Variants in SLC39A11 observed in about 807,000 individuals in gnomAD.
The protein encoded by SLC39A11 is zinc transporter ZIP11.
In SLC39A11, 33 loss-of-function variants were observed where a neutral mutation model predicts 36.1. The observed-to-expected ratio is 0.91, with a 90% CI of 0.69 to 1.22. SLC39A11 has a LOEUF of 1.22. SLC39A11 is among the 50% of genes most tolerant of loss of function. The probability of loss-of-function intolerance (pLI) is 0.00; values close to 1 mark genes in which losing one functional copy is unlikely to be tolerated. For missense variants in SLC39A11, 432 were observed against 430.3 expected, an observed-to-expected ratio of 1.00 and a Z score of -0.03; for synonymous variants, 166 against 170.3, an observed-to-expected ratio of 0.97 and a Z score of 0.20.
intron 7 of SLC39A11, among the ~76,000 whole-genome samples, chr17:72,714,529 C>T (rs1261721799): frequency 6.6e-6 from 1 of 152,178 alleles, no homozygotes; most frequent in African/African-American, 2.4e-5. Context: ...CTGCTGCTGA[C>T]AGTGTCAACA....
intron 7 of SLC39A11, among the ~76,000 whole-genome samples, chr17:72,693,479 A>T (rs1264733889): frequency 6.6e-6 from 1 of 152,224 alleles, no homozygotes. Flanking sequence ...AAGCCTTTAA[A>T]CATTATTAAA....
At chr17:73,068,676 ACAAT>A (rs1315086660) in intron 3 of SLC39A11, among the ~76,000 whole-genome samples, 5 of 152,000 alleles carry the variant, frequency 3.3e-5, no homozygotes, top group Admixed American at 6.6e-5. Flanking sequence ...GACTACTTTC[ACAAT>A]CAAAGGACTG....
rs2069598177 is a variant in SLC39A11, at chr17:72,647,213, T to C, written c.*371A>G. ...TGAGTCACTAGGCCACCAAAATGCT[T>C]AGGAGACGTCTTTTGGTAGCTCGCT... On this transcript the variant is annotated 3_prime_UTR_variant, in exon 10 of 10. Coordinates refer to ENST00000255559, the MANE Select transcript of SLC39A11 (RefSeq NM_139177.4). 1 of 174,026 alleles carries C rather than the reference T, an allele frequency of 5.7e-6. No individual in the cohort carries two copies. Among genetic ancestry groups the C allele is most frequent in the African/African-American group, 2.4e-5 (1 of 41,804 alleles). 10.8% of individuals were successfully genotyped at this position (174,026 alleles called of 1,614,324 possible). A position where few individuals can be genotyped will look rare whatever the true frequency, so the allele number is the denominator to read the frequency against.
chr17:73,012,779 T>C (rs945889227), intron 4 of SLC39A11, among the ~76,000 whole-genome samples: 4 of 152,090 alleles, frequency 2.6e-5, no homozygotes, highest in Middle Eastern at 3.4e-3. Context: ...ATTTTATTTA[T>C]TTATTTATTT....
chr17:72,681,709 CCCA>C (rs2071516755), intron 7 of SLC39A11, among the ~76,000 whole-genome samples: 1 of 152,150 alleles, frequency 6.6e-6, no homozygotes, highest in South Asian at 2.1e-4. Context: ...TCTCTGCCAC[CCCA>C]GAGACAGCCA....
chr17:73,019,809 T>G (rs1054230127), intron 4 of SLC39A11, among the ~76,000 whole-genome samples: 1 of 152,134 alleles, frequency 6.6e-6, no homozygotes, highest in Non-Finnish European at 1.5e-5. Context: ...GACTGAACAT[T>G]CCAATTAAGA....
At chr17:72,866,326 T>G (rs1230025675) in intron 5 of SLC39A11, among the ~76,000 whole-genome samples, 2 of 152,174 alleles carry the variant, frequency 1.3e-5, no homozygotes, top group Admixed American at 1.3e-4. Flanking sequence ...GACCATTTAG[T>G]TGCAGGAAAA....
At chr17:72,717,400 G>A (rs891684) in intron 7 of SLC39A11, among the ~76,000 whole-genome samples, 15,783 of 152,018 alleles carry the variant, frequency 0.1, 1,197 homozygotes, top group African/African-American at 0.21. Context: ...CAAGTTGTCC[G>A]CAGGGCTATG....
chr17:73,063,346 C>A (rs1012879275), intron 3 of SLC39A11, among the ~76,000 whole-genome samples: 10 of 152,150 alleles, frequency 6.6e-5, no homozygotes, highest in Non-Finnish European at 1.5e-4. Flanking sequence ...ACTGGAAGGC[C>A]TACGCTGCTA....
intron 6 of SLC39A11, among the ~76,000 whole-genome samples, chr17:72,757,793 C>A (rs1485573035): frequency 6.6e-6 from 1 of 152,166 alleles, no homozygotes; most frequent in Non-Finnish European, 1.5e-5. Flanking sequence ...ATATTCTCAC[C>A]TTATTGTGTG....
intron 5 of SLC39A11, among the ~76,000 whole-genome samples, chr17:72,916,805 C>T (rs909690357): frequency 2.0e-5 from 3 of 152,188 alleles, no homozygotes; most frequent in African/African-American, 7.2e-5. Context: ...CACCTCAATT[C>T]ATGGCAAGCC....
chr17:72,776,051 T>G (rs2076120666), intron 6 of SLC39A11, among the ~76,000 whole-genome samples: 1 of 152,230 alleles, frequency 6.6e-6, no homozygotes, highest in East Asian at 1.9e-4. Flanking sequence ...CAGGAAGAAT[T>G]GGGGAATACA....
intron 7 of SLC39A11, among the ~76,000 whole-genome samples, chr17:72,671,801 A>C (rs1276784771): frequency 6.6e-6 from 1 of 152,220 alleles, no homozygotes; most frequent in Non-Finnish European, 1.5e-5. Context: ...AATATCACCT[A>C]TATGCAGAAT....
intron 5 of SLC39A11, among the ~76,000 whole-genome samples, chr17:72,928,779 G>A (rs929649156): frequency 3.9e-5 from 6 of 152,174 alleles, no homozygotes; most frequent in Non-Finnish European, 5.9e-5. Flanking sequence ...AGGGAAGTGC[G>A]TGCCTCTGGG....
At chr17:72,938,219 C>T (rs774703573) in intron 5 of SLC39A11, among the ~76,000 whole-genome samples, 6 of 152,250 alleles carry the variant, frequency 3.9e-5, no homozygotes, top group East Asian at 1.9e-4. Context: ...AGAAAGGAGA[C>T]GGAGGGTTGA....
At chr17:72,829,124 G>A (rs1218823708) in intron 6 of SLC39A11, among the ~76,000 whole-genome samples, 1 of 152,046 alleles carries the variant, frequency 6.6e-6, no homozygotes, top group East Asian at 1.9e-4. Context: ...GGCCGAGGTG[G>A]GAGGATCACT....
intron 7 of SLC39A11, among the ~76,000 whole-genome samples, chr17:72,665,400 T>TTTG (rs1555631668): frequency 7.2e-6 from 1 of 138,408 alleles, no homozygotes; most frequent in African/African-American, 2.7e-5. Context: ...TTTTTTTTTT[T>TTTG]TTTTTTTTTT....
chr17:72,873,944 C>A (rs896553983), intron 5 of SLC39A11, among the ~76,000 whole-genome samples: 18 of 152,128 alleles, frequency 1.2e-4, no homozygotes, highest in African/African-American at 4.3e-4. Context: ...GGGGCTCCCC[C>A]CACTTGCTCA....
chr17:72,736,404 T>A (rs1459963307), intron 7 of SLC39A11, among the ~76,000 whole-genome samples: 1 of 152,226 alleles, frequency 6.6e-6, no homozygotes, highest in East Asian at 1.9e-4. Context: ...AGCTTGCGAT[T>A]CTATCCATGC....
Sources: gnomAD v4.1 joint callset for allele counts (sites outside exome capture counted in the v4.1 genomes callset) on GRCh38, gnomAD v4.1.1 for gene constraint, MANE v1.5 for transcripts, NCBI Gene and HGNC (gene_info 2026-07-23, HGNC 2026-07-21) for gene names.